The following RANBP17 variants were observed in gnomAD, a reference collection of about 807,000 sequenced individuals.
The protein encoded by RANBP17 is RAN binding protein 17, also known as ran-binding protein 17.
A neutral mutation model predicts 141.2 loss-of-function variants in RANBP17; 158 were observed. The ratio of observed to expected loss-of-function variants is 1.12; its 90% CI spans 0.98 to 1.28. RANBP17 has a LOEUF of 1.28. RANBP17 is among the 50% of genes most tolerant of loss of function. The pLI, the probability that RANBP17 is intolerant of heterozygous loss-of-function variation, is 0.00. For synonymous variants in RANBP17, 430 were observed against 450.0 expected (o/e 0.96, Z 0.56); for missense variants, 1,438 against 1,290.7 (o/e 1.11, Z -1.75).
chr5:170,989,562 T>C (rs1474584346), intron 14 of RANBP17, among the ~76,000 whole-genome samples: 1 of 151,832 alleles, frequency 6.6e-6, no homozygotes, highest in Non-Finnish European at 1.5e-5. Context: ...TACTAATATG[T>C]TATACTGTTT....
chr5:171,183,289 T>C, intron 17 of RANBP17, 33 bp from the exon 18 acceptor site: 1 of 1,583,408 alleles, frequency 6.3e-7, no homozygotes, highest in South Asian at 1.1e-5. Flanking sequence ...GGTAAAGTGT[T>C]AGTAACTTGG....
chr5:171,004,401 T>G (rs1488768129), intron 14 of RANBP17, among the ~76,000 whole-genome samples: 2 of 151,782 alleles, frequency 1.3e-5, no homozygotes, highest in East Asian at 3.9e-4. Flanking sequence ...TAAAAAAGAG[T>G]GCATAAAAGA....
chr5:170,942,316 AT>A (rs1774392964), intron 12 of RANBP17, among the ~76,000 whole-genome samples: 2 of 152,168 alleles, frequency 1.3e-5, no homozygotes, highest in African/African-American at 4.8e-5. Context: ...GTACAATAAT[AT>A]TCATAGCATT....
At chr5:171,274,149 T>TGTGTGTGTGTGTGC (rs34291143) in intron 25 of RANBP17, among the ~76,000 whole-genome samples, 2 of 126,772 alleles carry the variant, frequency 1.6e-5, no homozygotes, top group African/African-American at 3.1e-5. Context: ...TGTGTGTGTG[T>TGTGTGTGTGTGTGC]GCGCGCGCGC....
At chr5:170,872,276 T>C (rs1242278320) in intron 1 of RANBP17, among the ~76,000 whole-genome samples, 1 of 152,176 alleles carries the variant, frequency 6.6e-6, no homozygotes, top group Non-Finnish European at 1.5e-5. Flanking sequence ...TTTGTAGCAA[T>C]TGTGAATGGG....
intron 24 of RANBP17, chr5:171,252,390 C>T (rs968866392): frequency 9.1e-6 from 14 of 1,534,912 alleles, no homozygotes; most frequent in African/African-American, 1.4e-5. Context: ...AAACTATGAG[C>T]AGCAAAGATG....
intron 12 of RANBP17, among the ~76,000 whole-genome samples, chr5:170,935,481 G>A (rs1773790389): frequency 1.3e-5 from 2 of 152,128 alleles, no homozygotes; most frequent in South Asian, 4.2e-4. Context: ...ACGTATGGAT[G>A]GGGTTTTGGT....
chr5:171,154,812 C>T (rs1176798167), intron 14 of RANBP17, among the ~76,000 whole-genome samples: 4 of 151,878 alleles, frequency 2.6e-5, no homozygotes, highest in Non-Finnish European at 4.4e-5. Context: ...CAGTGGCTCA[C>T]GCCTGTAATC....
rs1031448843 is a variant in RANBP17, at chr5:170,893,564, C to A, written c.423+1011C>A. On this transcript the variant is annotated intron_variant, in intron 4 of 27. Transcript: ENST00000523189. Reference sequence around the variant, plus strand: ...ATCCCAGCACTTTGGGAGGCCAAGGCGTGCGGATCATGAGGTCAGGAGATC... The same window carrying A: ...ATCCCAGCACTTTGGGAGGCCAAGGAGTGCGGATCATGAGGTCAGGAGATC... Among the ~76,000 whole-genome samples, 6 of 152,154 alleles carry A rather than the reference C, an allele frequency of 3.9e-5. No individual in the cohort carries two copies. In the South Asian group the frequency reaches 1.2e-3, roughly 32 times the overall value.
chr5:171,196,472 C>T (rs916833310), intron 18 of RANBP17, among the ~76,000 whole-genome samples: 1 of 152,120 alleles, frequency 6.6e-6, no homozygotes, highest in African/African-American at 2.4e-5. Context: ...GAACAAGCAT[C>T]CTTACCTTGG....
At chr5:170,910,801 C>G (rs1205045861) in intron 6 of RANBP17, 168 bp from the exon 7 acceptor site, 1 of 604,072 alleles carries the variant, frequency 1.7e-6, no homozygotes, top group African/African-American at 1.9e-5. Flanking sequence ...TGAAGTTAAC[C>G]CAGTTTTTCT....
chr5:171,178,167 C>A (rs1246860743), intron 16 of RANBP17, among the ~76,000 whole-genome samples: 1 of 138,468 alleles, frequency 7.2e-6, no homozygotes, highest in Non-Finnish European at 1.6e-5. Context: ...CTATCCCTCC[C>A]CTACCCCCCC....
chr5:170,958,649 G>A (rs1486826706), intron 13 of RANBP17, among the ~76,000 whole-genome samples: 2 of 152,050 alleles, frequency 1.3e-5, no homozygotes, highest in East Asian at 1.9e-4. Context: ...ATATATAATA[G>A]CATTCCAACT....
intron 14 of RANBP17, among the ~76,000 whole-genome samples, chr5:171,012,784 A>G (rs909649601): frequency 6.6e-6 from 1 of 152,148 alleles, no homozygotes; most frequent in Non-Finnish European, 1.5e-5. Context: ...GACTTTTTCT[A>G]CAAGTTGAAT....
chr5:171,005,905 A>T (rs1289928157), intron 14 of RANBP17, among the ~76,000 whole-genome samples: 2 of 152,054 alleles, frequency 1.3e-5, no homozygotes, highest in Non-Finnish European at 2.9e-5. Flanking sequence ...CAAGAAAAAA[A>T]ACAAACAACC....
intron 13 of RANBP17, among the ~76,000 whole-genome samples, chr5:170,964,115 T>C (rs1291929693): frequency 1.3e-5 from 2 of 152,172 alleles, no homozygotes; most frequent in Admixed American, 6.5e-5. Flanking sequence ...ATAGACACTC[T>C]TATGGAGTGA....
intron 14 of RANBP17, among the ~76,000 whole-genome samples, chr5:171,121,828 C>T: frequency 6.6e-6 from 1 of 152,146 alleles, no homozygotes; most frequent in East Asian, 1.9e-4. Context: ...CCCCACCACA[C>T]CCCCACCCCT....
chr5:171,271,411 A>G lies in RANBP17; in HGVS notation c.2943+5564A>G, dbSNP rs1336613726. 2.4e-5 allele frequency: 5 copies of G among 209,782 alleles called. No individual in the cohort carries two copies. The East Asian group carries it at 3.6e-4, about 15-fold the overall frequency. 13.0% of individuals were successfully genotyped at this position (209,782 alleles called of 1,614,324 possible). A position where few individuals can be genotyped will look rare whatever the true frequency, so the allele number is the denominator to read the frequency against. ...CATACTTAAGATTCCATTCCATAAT[A>G]CTGAGTAGGAGAAAATGCAGTCGCA... On this transcript the variant is annotated intron_variant, in intron 25 of 27. Coordinates refer to ENST00000523189, the MANE Select transcript of RANBP17 (RefSeq NM_022897.5).
At chr5:171,270,619 T>C (rs1247539678) in intron 25 of RANBP17, among the ~76,000 whole-genome samples, 1 of 152,132 alleles carries the variant, frequency 6.6e-6, no homozygotes, top group African/African-American at 2.4e-5. Context: ...CTATAATACA[T>C]AGTTATAGAT....
Sources: allele counts gnomAD v4.1 joint callset (sites outside exome capture counted in the v4.1 genomes callset), GRCh38; gene constraint gnomAD v4.1.1; transcripts MANE v1.5; gene names NCBI Gene and HGNC (gene_info 2026-07-23, HGNC 2026-07-21).